Variants in ENTPD7 observed in about 807,000 individuals in gnomAD.
ENTPD7 encodes the protein ectonucleoside triphosphate diphosphohydrolase 7, also known as NTPDase 7.
A neutral mutation model predicts 77.9 loss-of-function variants in ENTPD7; 53 were observed. That is an observed-to-expected ratio of 0.68 (90% CI 0.55 to 0.85). The LOEUF is 0.85. Ranked by LOEUF, ENTPD7 falls within the 40% of genes least tolerant of loss-of-function variation. ENTPD7 has a pLI of 0.00. For synonymous variants in ENTPD7, 248 were observed against 274.9 expected (o/e 0.90, Z 0.97); for missense variants, 636 against 743.7 (o/e 0.86, Z 1.68).
At chr10:99,690,789 C>T (rs1590049021) in intron 7 of ENTPD7, among the ~76,000 whole-genome samples, 1 of 152,114 alleles carries the variant, frequency 6.6e-6, no homozygotes, top group East Asian at 1.9e-4. Flanking sequence ...ATCTGCCTGC[C>T]TCAGTCTCCC....
At chr10:99,695,884 TTAGCAATGTCA>T in intron 8 of ENTPD7, 61 bp from the exon 9 acceptor site, 1 of 1,426,350 alleles carries the variant, frequency 7.0e-7, no homozygotes, top group Non-Finnish European at 9.6e-7. Flanking sequence ...GCCTCGTGTA[TTAGCAATGTCA>T]TAGCTTTCTA....
At chr10:99,694,156 C>T (rs1223462555) in intron 8 of ENTPD7, among the ~76,000 whole-genome samples, 1 of 152,112 alleles carries the variant, frequency 6.6e-6, no homozygotes, top group Non-Finnish European at 1.5e-5. Flanking sequence ...ACCCCATATT[C>T]ACTCCCCACT....
At chr10:99,660,567 T>G (rs11190227) in intron 2 of ENTPD7, 32,307 of 270,718 alleles carry the variant, frequency 0.12, 2,395 homozygotes, top group East Asian at 0.33. Flanking sequence ...CACACAGAGA[T>G]ATATTACTGT....
At chr10:99,666,066 A>C (rs985192147) in intron 3 of ENTPD7, among the ~76,000 whole-genome samples, 3 of 152,220 alleles carry the variant, frequency 2.0e-5, no homozygotes, top group African/African-American at 4.8e-5. Context: ...AAAGACAATT[A>C]GGGAGTGAAT....
intron 12 of ENTPD7, 94 bp from the exon 13 acceptor site, chr10:99,704,358 A>G: frequency 8.2e-7 from 1 of 1,223,690 alleles, no homozygotes; most frequent in Non-Finnish European, 1.2e-6. Context: ...GATGGAATAA[A>G]TGTGATAACA....
rs915524162 is a variant in ENTPD7, at chr10:99,683,876, G to T, written c.549-1916G>T. On this transcript the variant is annotated intron_variant, in intron 5 of 12. Coordinates refer to ENST00000370489, the MANE Select transcript of ENTPD7 (RefSeq NM_020354.5). ...GGTATGGTATTTCCAGTTTTTCATT[G>T]TTATAAATAATTTTCATTGTTATAA... 3.3e-5 allele frequency among the ~76,000 whole-genome samples: 5 copies of T among 151,962 alleles called. No individual in the cohort carries two copies. The East Asian group carries it at 9.6e-4, about 29-fold the overall frequency.
chr10:99,709,296 A>G lies in ENTPD7; in HGVS notation c.*4613A>G. 2.0e-6 allele frequency: 2 copies of G among 985,364 alleles called. No individual in the cohort carries two copies. Among genetic ancestry groups the G allele is most frequent in the Non-Finnish European group, 2.4e-6 (2 of 829,898 alleles). The allele number at this position is 985,364 out of a possible 1,614,324, so 61.0% of individuals were successfully genotyped here. ...AAACTTTTCAAATTAATTCAAAACT[A>G]GTATCTAATTGTCCTTTTTGCTGTG... On this transcript the variant is annotated 3_prime_UTR_variant, in exon 13 of 13. Transcript: ENST00000370489.
rs1004896921 is a variant in ENTPD7, at chr10:99,708,427, G to C, written c.*3744G>C. Among the ~76,000 whole-genome samples, 1 of 152,122 alleles carries C rather than the reference G, an allele frequency of 6.6e-6. No individual in the cohort carries two copies. The highest frequency in any genetic ancestry group is 2.4e-5 in the African/African-American group (1 of 41,416). ...TAAGGGAAAGAACAGTAGGCTTAAC[G>C]AATAGCAGACCTGGATTCTAGTTCT... On this transcript the variant is annotated 3_prime_UTR_variant, in exon 13 of 13. Transcript: ENST00000370489.
chr10:99,670,813 C>T (rs1394478991), intron 3 of ENTPD7, among the ~76,000 whole-genome samples: 1 of 152,072 alleles, frequency 6.6e-6, no homozygotes, highest in Admixed American at 6.6e-5. Flanking sequence ...CCAGGAGTTC[C>T]AGACCAGCCT....
intron 10 of ENTPD7, 76 bp downstream of exon 10, chr10:99,698,934 G>C (rs1358948713): frequency 1.4e-5 from 19 of 1,356,234 alleles, no homozygotes; most frequent in Non-Finnish European, 1.7e-5. Flanking sequence ...GCCAGGTGCT[G>C]TGCAAAGGGC....
intron 11 of ENTPD7, among the ~76,000 whole-genome samples, chr10:99,701,530 C>T (rs759767053): frequency 6.6e-6 from 1 of 151,548 alleles, no homozygotes; most frequent in East Asian, 2.0e-4. Context: ...TCAAGTGATC[C>T]GCCTGCCTCG....
At chr10:99,674,400 C>T (rs1485343475) in intron 3 of ENTPD7, among the ~76,000 whole-genome samples, 1 of 152,184 alleles carries the variant, frequency 6.6e-6, no homozygotes, top group Non-Finnish European at 1.5e-5. Flanking sequence ...TGTTGTGACA[C>T]AGATCTCCAG....
Position 99,704,762 on chromosome 10 carries a change from A to G in ENTPD7, c.*79A>G, listed in dbSNP as rs2036219871. ...TTCCTCCACTTTCTTATATAGCCTCAGATGCTGTGATGTCTGACCTTGTGG... is the reference window on the plus strand; with the variant it reads ...TTCCTCCACTTTCTTATATAGCCTCGGATGCTGTGATGTCTGACCTTGTGG... On this transcript the variant is annotated 3_prime_UTR_variant, in exon 13 of 13. Coordinates refer to ENST00000370489, the MANE Select transcript of ENTPD7 (RefSeq NM_020354.5). The G allele has an allele frequency of 5.4e-6, 7 of 1,286,382 alleles. No individual in the cohort carries two copies. The East Asian group carries it at 1.8e-4, about 32-fold the overall frequency. The allele number at this position is 1,286,382 out of a possible 1,614,324, so 79.7% of individuals were successfully genotyped here.
chr10:99,701,161 G>A, intron 11 of ENTPD7, 103 bp downstream of exon 11: 2 of 1,052,140 alleles, frequency 1.9e-6, no homozygotes, highest in South Asian at 1.4e-5. Context: ...TGTTGAGGGA[G>A]CATTTGATTA....
At chr10:99,663,797 G>T (rs1038694437) in intron 3 of ENTPD7, among the ~76,000 whole-genome samples, 1 of 151,952 alleles carries the variant, frequency 6.6e-6, no homozygotes, top group African/African-American at 2.4e-5. Context: ...TTGATTCTTG[G>T]ATCTATGGAT....
chr10:99,698,348 T>C lies in ENTPD7; in HGVS notation c.1011-186T>C, dbSNP rs571307197. Among the ~76,000 whole-genome samples, 3 of 151,228 alleles carry C rather than the reference T, an allele frequency of 2.0e-5. No homozygotes were observed. The South Asian group carries it at 6.3e-4, about 32-fold the overall frequency. On this transcript the variant is annotated intron_variant, in intron 9 of 12. Transcript: ENST00000370489. ...CAGAATTGATCACCATATTCCTCTCTTTTTTTTCTAAATTTAACTTGCTGA... is the reference window on the plus strand; with the variant it reads ...CAGAATTGATCACCATATTCCTCTCCTTTTTTTCTAAATTTAACTTGCTGA...
chr10:99,668,682 C>T (rs2035581673), intron 3 of ENTPD7, among the ~76,000 whole-genome samples: 3 of 152,106 alleles, frequency 2.0e-5, no homozygotes, highest in Admixed American at 1.3e-4. Context: ...AAAATATACA[C>T]TGAAGATAAT....
At chr10:99,662,455 T>C (rs2035498950) in intron 3 of ENTPD7, among the ~76,000 whole-genome samples, 1 of 152,206 alleles carries the variant, frequency 6.6e-6, no homozygotes, top group Non-Finnish European at 1.5e-5. Context: ...TATACTTTCA[T>C]TCCTCCCTTC....
At chr10:99,670,216 ACC>A (rs1452015852) in intron 3 of ENTPD7, among the ~76,000 whole-genome samples, 1 of 152,232 alleles carries the variant, frequency 6.6e-6, no homozygotes, top group Non-Finnish European at 1.5e-5. Flanking sequence ...GGTAGTCACT[ACC>A]CACAAGTGGC....
Sources: allele counts gnomAD v4.1 joint callset (sites outside exome capture counted in the v4.1 genomes callset), GRCh38; gene constraint gnomAD v4.1.1; transcripts MANE v1.5; gene names NCBI Gene and HGNC (gene_info 2026-07-23, HGNC 2026-07-21).